The following GABRA3 variants were observed in gnomAD, a reference collection of about 807,000 sequenced individuals.
The protein encoded by GABRA3 is gamma-aminobutyric acid receptor subunit alpha-3.
GABRA3 carries 10 observed loss-of-function variants against 30.1 expected under a neutral mutation model. The ratio of observed to expected loss-of-function variants is 0.33; its 90% confidence interval spans 0.20 to 0.56. The LOEUF (loss-of-function observed/expected upper bound fraction) is 0.56. Among genes scored for constraint, GABRA3 ranks in the 20% least tolerant of loss-of-function variants. The probability of loss-of-function intolerance (pLI) is 0.89; values close to 1 mark genes in which losing one functional copy is unlikely to be tolerated. For missense variants in GABRA3, 233 were observed against 392.0 expected (o/e 0.59, Z 3.42); for synonymous variants, 151 against 146.8 (o/e 1.03, Z -0.21).
chrX:152,309,871 G>T (rs1193626732), intron 3 of GABRA3, among the ~76,000 whole-genome samples: 1 of 111,988 alleles, frequency 8.9e-6, no homozygotes, highest in Non-Finnish European at 1.9e-5. Context: ...CAACTGTAAT[G>T]CTGTCTTCAA....
intron 1 of GABRA3, among the ~76,000 whole-genome samples, chrX:152,368,112 C>T (rs1218869419): frequency 8.9e-6 from 1 of 111,787 alleles, no homozygotes; most frequent in Admixed American, 9.5e-5. Context: ...CAGATAATTT[C>T]TTCCCCCTGC....
rs1473276934 is a variant in GABRA3, at chrX:152,238,258, T to C, written c.552-13413A>G. Among the ~76,000 whole-genome samples the C allele has an allele frequency of 4.6e-4, 45 of 97,532 alleles. 1 individual carries two copies. The East Asian group carries it at 0.017, about 36-fold the overall frequency. The allele number at this position is 97,532 out of a possible 115,157, so 84.7% of individuals were successfully genotyped here. A position where few individuals can be genotyped will look rare whatever the true frequency, so the allele number is the denominator to read the frequency against. ...TGCATCTATTGAGATAATCATGTGG[T>C]TTTTGTCTTTGGCTCTGTTTATATG... On this transcript the variant is annotated intron_variant, in intron 5 of 9. Transcript: ENST00000370314.
At chrX:152,263,533 G>GAC (rs1156735029) in intron 4 of GABRA3, among the ~76,000 whole-genome samples, 1 of 110,027 alleles carries the variant, frequency 9.1e-6, no homozygotes, top group East Asian at 2.9e-4. Context: ...AGTAATAGGA[G>GAC]ACAAAAGTAA....
At chrX:152,275,467 A>ATATATATTTACATATTTATTT (rs1392945978) in intron 4 of GABRA3, among the ~76,000 whole-genome samples, 260 of 105,670 alleles carry the variant, frequency 2.5e-3, no homozygotes, top group African/African-American at 3.1e-3. Flanking sequence ...TAAATATCAA[A>ATATATATTTACATATTTATTT]TAAATAGAGC....
intron 2 of GABRA3, among the ~76,000 whole-genome samples, chrX:152,359,092 C>T (rs1232082200): frequency 1.8e-5 from 2 of 111,612 alleles, no homozygotes; most frequent in African/African-American, 3.3e-5. Flanking sequence ...AGGGAGGAGT[C>T]CTTCCTCCTC....
chrX:152,203,946 C>T (rs146743708), intron 7 of GABRA3, among the ~76,000 whole-genome samples: 3 of 111,740 alleles, frequency 2.7e-5, no homozygotes, highest in African/African-American at 9.7e-5. Context: ...TTTGGGGGGC[C>T]GCTATTCTCC....
chrX:152,323,586 G>T (rs1471960430), intron 3 of GABRA3, among the ~76,000 whole-genome samples: 1 of 112,111 alleles, frequency 8.9e-6, no homozygotes, highest in Non-Finnish European at 1.9e-5. Context: ...TCCAATTAAA[G>T]AAAGAATTCC....
rs761075717 is a variant in GABRA3, at chrX:152,308,453, T to C, written c.263-23718A>G. Among the ~76,000 whole-genome samples the C allele has an allele frequency of 5.4e-5, 6 of 112,002 alleles. No individual in the cohort carries two copies. In the South Asian group the frequency reaches 2.2e-3, roughly 42 times the overall value. ...CAGCCCCTCCAGTCCAGCAGGTACA[T>C]AAGCTTGAGGGGCGAGACAACAAAG... On this transcript the variant is annotated intron_variant, in intron 3 of 9. Transcript: ENST00000370314.
chrX:152,357,319 C>T (rs544261323), intron 2 of GABRA3, among the ~76,000 whole-genome samples: 49 of 111,701 alleles, frequency 4.4e-4, no homozygotes, highest in Non-Finnish European at 5.5e-4. Flanking sequence ...AATAGCCATT[C>T]GGACTGATAT....
intron 5 of GABRA3, among the ~76,000 whole-genome samples, chrX:152,247,954 G>A (rs1158379516): frequency 1.8e-5 from 2 of 110,881 alleles, no homozygotes; most frequent in Non-Finnish European, 3.8e-5. Flanking sequence ...GGTTGTTGTC[G>A]TTAATAATTC....
chrX:152,234,926 T>C (rs1938167723), intron 5 of GABRA3, among the ~76,000 whole-genome samples: 1 of 112,074 alleles, frequency 8.9e-6, no homozygotes, highest in Admixed American at 9.5e-5. Flanking sequence ...CTTTGTTCTT[T>C]TTGTTTAGGA....
rs189084057 is a variant in GABRA3 at position 152,419,827 on chromosome X, C to T, written c.-27+31319G>A. Among the ~76,000 whole-genome samples, 5 of 111,796 alleles carry T rather than the reference C, an allele frequency of 4.5e-5. No individual in the cohort carries two copies. The East Asian group carries it at 8.4e-4, about 19-fold the overall frequency. Reference sequence around the variant, plus strand: ...AACTTGACAGAAAAAAGAAAACTGACGGCCAATCTCACTTATAAATGTGGG... The same window carrying T: ...AACTTGACAGAAAAAAGAAAACTGATGGCCAATCTCACTTATAAATGTGGG... On this transcript the variant is annotated intron_variant, in intron 1 of 9. Coordinates refer to ENST00000370314, the MANE Select transcript of GABRA3 (RefSeq NM_000808.4).
intron 8 of GABRA3, among the ~76,000 whole-genome samples, chrX:152,195,276 CA>C (rs1240665589): frequency 1.8e-5 from 2 of 110,801 alleles, no homozygotes; most frequent in Admixed American, 9.6e-5. Flanking sequence ...AAGCCCAGGC[CA>C]AAAAAAACAT....
At chrX:152,412,769 C>T (rs1930104573) in intron 1 of GABRA3, among the ~76,000 whole-genome samples, 2 of 110,945 alleles carry the variant, frequency 1.8e-5, no homozygotes, top group South Asian at 7.7e-4. Flanking sequence ...ACAAAGTGTT[C>T]TGGAATCAGA....
chrX:152,318,771 G>A (rs367803563), intron 3 of GABRA3, among the ~76,000 whole-genome samples: 14 of 111,397 alleles, frequency 1.3e-4, no homozygotes, highest in East Asian at 1.1e-3. Flanking sequence ...TTATTTATGC[G>A]GGAAGAGCAC....
intron 1 of GABRA3, among the ~76,000 whole-genome samples, chrX:152,427,971 C>G (rs1930552924): frequency 8.9e-6 from 1 of 112,038 alleles, no homozygotes; most frequent in African/African-American, 3.2e-5. Context: ...AGAGCTGTCA[C>G]CCATCCATAT....
intron 9 of GABRA3, among the ~76,000 whole-genome samples, chrX:152,182,704 G>A (rs866704563): frequency 2.0e-4 from 1 of 5,061 alleles, no homozygotes; most frequent in Non-Finnish European, 4.0e-4. Flanking sequence ...TATATATAGT[G>A]TATATATACA....
intron 1 of GABRA3, among the ~76,000 whole-genome samples, chrX:152,376,290 T>G (rs1253614832): frequency 9.0e-6 from 1 of 111,112 alleles, no homozygotes; most frequent in Non-Finnish European, 1.9e-5. Context: ...CTCTTATTTT[T>G]TTTTTCTGGG....
At chrX:152,310,853 A>G (rs962823446) in intron 3 of GABRA3, among the ~76,000 whole-genome samples, 3 of 111,422 alleles carry the variant, frequency 2.7e-5, no homozygotes, top group African/African-American at 9.8e-5. Context: ...ATCCATATGA[A>G]TACTATCAGA....
Sources: gnomAD v4.1 joint callset for allele counts (sites outside exome capture counted in the v4.1 genomes callset) on GRCh38, gnomAD v4.1.1 for gene constraint, MANE v1.5 for transcripts, NCBI Gene and HGNC (gene_info 2026-07-23, HGNC 2026-07-21) for gene names.